CDH18: variants seen among roughly 807,000 people sequenced by gnomAD.
CDH18 encodes cadherin 18, also known as cadherin-18.
CDH18 carries 31 observed loss-of-function variants against 67.9 expected under a neutral mutation model. That is an observed-to-expected ratio of 0.46 (90% CI 0.34 to 0.62). The LOEUF (loss-of-function observed/expected upper bound fraction) is 0.62, where lower values mean the gene tolerates loss of function less well. CDH18 is among the 20% of genes least tolerant of loss of function. CDH18 has a pLI of 0.01. For synonymous variants in CDH18, 362 were observed against 347.2 expected (o/e 1.04, Z -0.48); for missense variants, 890 against 975.5 (o/e 0.91, Z 1.17).
intron 2 of CDH18, among the ~76,000 whole-genome samples, chr5:19,859,086 C>T (rs186775167): frequency 2.3e-4 from 35 of 152,178 alleles, no homozygotes; most frequent in African/African-American, 7.2e-4. Context: ...CCAAAATCAA[C>T]GCCATTGTAA....
At chr5:20,500,801 C>A (rs79934730) in intron 1 of CDH18, among the ~76,000 whole-genome samples, 4,613 of 152,168 alleles carry the variant, frequency 0.03, 76 homozygotes, top group Non-Finnish European at 0.041. Flanking sequence ...CCAAGGACAT[C>A]CATATAGTAA....
intron 3 of CDH18, among the ~76,000 whole-genome samples, chr5:19,794,243 G>C (rs1392841036): frequency 1.3e-5 from 2 of 152,120 alleles, no homozygotes; most frequent in African/African-American, 2.4e-5. Flanking sequence ...ATGTGTCTGT[G>C]AGAGTATTTC....
chr5:19,599,477 C>T (rs993647662), intron 6 of CDH18, among the ~76,000 whole-genome samples: 5 of 152,022 alleles, frequency 3.3e-5, no homozygotes, highest in African/African-American at 9.7e-5. Context: ...ATTATGCTGG[C>T]CCAGTACACT....
intron 2 of CDH18, among the ~76,000 whole-genome samples, chr5:20,116,937 CTG>C (rs955133082): frequency 1.3e-5 from 2 of 152,030 alleles, no homozygotes; most frequent in African/African-American, 4.8e-5. Context: ...CACTATCAAA[CTG>C]TACCTGAAAA....
At position 20,142,667 on chromosome 5, in the gene CDH18, T is replaced by C. The variant is rs1390321538; in HGVS notation, c.-518+112777A>G. Among the ~76,000 whole-genome samples the C allele has an allele frequency of 3.9e-5, 6 of 152,016 alleles. No individual in the cohort carries two copies. In the East Asian group the frequency reaches 1.2e-3, roughly 29 times the overall value. ...CTCTAATCTAATATCATTAGTGTCC[T>C]TATAAAAACAATGCCATGTGAAGAA... On this transcript the variant is annotated intron_variant, in intron 2 of 14. Transcript: ENST00000507958.
At chr5:20,524,072 C>T (rs776530804) in intron 1 of CDH18, among the ~76,000 whole-genome samples, 9 of 152,090 alleles carry the variant, frequency 5.9e-5, no homozygotes, top group Non-Finnish European at 4.4e-5. Flanking sequence ...ATGAAATGAG[C>T]TCTTTTCTAT....
rs1159038694 is a variant in CDH18, at chr5:19,812,027, A to G, written c.228+26732T>C. Among the ~76,000 whole-genome samples, 6 of 152,308 alleles carry G rather than the reference A, an allele frequency of 3.9e-5. No individual in the cohort carries two copies. The South Asian group carries it at 8.3e-4, about 21-fold the overall frequency. On this transcript the variant is annotated intron_variant, in intron 3 of 12. Transcript: ENST00000382275. ...AGTGAATGTTTAAATGATTTTAGCAATAAGGACCCATCTGGAAAGTACTTT... is the reference window on the plus strand; with the variant it reads ...AGTGAATGTTTAAATGATTTTAGCAGTAAGGACCCATCTGGAAAGTACTTT...
At chr5:19,648,568 C>T (rs1755121353) in intron 5 of CDH18, among the ~76,000 whole-genome samples, 1 of 151,398 alleles carries the variant, frequency 6.6e-6, no homozygotes, top group Non-Finnish European at 1.5e-5. Context: ...CAGGGTCTGC[C>T]TAATTAATTC....
chr5:19,810,083 A>C (rs1240741026), intron 3 of CDH18, among the ~76,000 whole-genome samples: 2 of 152,174 alleles, frequency 1.3e-5, no homozygotes, highest in African/African-American at 2.4e-5. Flanking sequence ...TAATCCCAGC[A>C]CTTTGGGATG....
intron 3 of CDH18, among the ~76,000 whole-genome samples, chr5:19,835,466 T>C (rs1457135957): frequency 1.3e-5 from 2 of 151,954 alleles, no homozygotes; most frequent in African/African-American, 4.8e-5. Flanking sequence ...TTTTTTTGTT[T>C]GTTTGTTTCT....
In CDH18 at chr5:20,177,467, C is replaced by T. The variant is rs1013039720; in HGVS notation, c.-518+77977G>A. Among the ~76,000 whole-genome samples, 4 of 152,048 alleles carry T rather than the reference C, an allele frequency of 2.6e-5. No homozygotes were observed. In the South Asian group the frequency reaches 8.3e-4, roughly 31 times the overall value. On this transcript the variant is annotated intron_variant, in intron 2 of 14. Coordinates refer to the CDH18 transcript ENST00000507958. ...TATATAACATTCAATGCAAACAACT[C>T]GCAATATTTATAGCTATTCTTTTTT...
chr5:20,464,997 T>C (rs1751541226), intron 1 of CDH18, among the ~76,000 whole-genome samples: 1 of 152,118 alleles, frequency 6.6e-6, no homozygotes, highest in Non-Finnish European at 1.5e-5. Flanking sequence ...TGTTAATTAA[T>C]GGGACATTGG....
chr5:20,403,665 GT>G (rs1404759385), intron 1 of CDH18, among the ~76,000 whole-genome samples: 1 of 152,134 alleles, frequency 6.6e-6, no homozygotes, highest in Non-Finnish European at 1.5e-5. Flanking sequence ...TGTAAAAAAT[GT>G]TTCTGTCATC....
At chr5:20,527,589 G>T (rs920143327) in intron 1 of CDH18, among the ~76,000 whole-genome samples, 8 of 152,090 alleles carry the variant, frequency 5.3e-5, no homozygotes, top group Non-Finnish European at 1.2e-4. Flanking sequence ...AGCCAGAAGA[G>T]ATTGAGGGTC....
chr5:19,656,687 T>C (rs1756457097), intron 5 of CDH18, among the ~76,000 whole-genome samples: 4 of 151,874 alleles, frequency 2.6e-5, no homozygotes, highest in Admixed American at 2.6e-4. Flanking sequence ...TAAAAACCAC[T>C]AGGTTTCTGT....
intron 5 of CDH18, among the ~76,000 whole-genome samples, chr5:19,623,580 A>T (rs1466870137): frequency 1.3e-5 from 2 of 151,860 alleles, no homozygotes; most frequent in Non-Finnish European, 1.5e-5. Flanking sequence ...TTTTTATCTT[A>T]TTCTGCTTTT....
At chr5:20,132,385 T>C (rs1749340358) in intron 2 of CDH18, among the ~76,000 whole-genome samples, 1 of 152,182 alleles carries the variant, frequency 6.6e-6, no homozygotes, top group Admixed American at 6.5e-5. Flanking sequence ...CAGTTTTCTC[T>C]ATTATTCATA....
At chr5:19,851,981 T>A (rs1047737541) in intron 2 of CDH18, among the ~76,000 whole-genome samples, 1 of 152,068 alleles carries the variant, frequency 6.6e-6, no homozygotes, top group Non-Finnish European at 1.5e-5. Flanking sequence ...TTTGTGTACG[T>A]GGATAATTAA....
At chr5:20,189,547 T>C (rs1283879122) in intron 2 of CDH18, among the ~76,000 whole-genome samples, 1 of 152,108 alleles carries the variant, frequency 6.6e-6, no homozygotes, top group East Asian at 1.9e-4. Flanking sequence ...TATTTAATCT[T>C]GAAACACCTC....
Sources: allele counts gnomAD v4.1 joint callset (sites outside exome capture counted in the v4.1 genomes callset), GRCh38; gene constraint gnomAD v4.1.1; transcripts MANE v1.5; gene names NCBI Gene and HGNC (gene_info 2026-07-23, HGNC 2026-07-21).